Variants in SH3TC1 observed in about 807,000 individuals in gnomAD.
SH3TC1 encodes SH3 domain and tetratricopeptide repeat-containing protein 1.
A neutral mutation model predicts 117.3 loss-of-function variants in SH3TC1; 135 were observed. The ratio of observed to expected loss-of-function variants is 1.15; its 90% CI spans 1.00 to 1.33. The LOEUF is 1.33. Ranked by LOEUF, SH3TC1 falls within the 40% of genes most tolerant of loss-of-function variation. SH3TC1 has a pLI of 0.00. For synonymous variants in SH3TC1, 898 were observed against 816.9 expected (o/e 1.10, Z -1.69); for missense variants, 2,092 against 1,794.3 (o/e 1.17, Z -3.00).
At chr4:8,220,346 C>T (rs1347271047) in intron 9 of SH3TC1, among the ~76,000 whole-genome samples, 2 of 151,978 alleles carry the variant, frequency 1.3e-5, no homozygotes, top group Admixed American at 6.6e-5. Context: ...CCCTGAACCC[C>T]GTGTTCTCCT....
chr4:8,183,819 C>T lies in SH3TC1; in HGVS notation c.-57+1609C>T, dbSNP rs540429504. On this transcript the variant is annotated intron_variant, in intron 1 of 16. Transcript: ENST00000508641. The surrounding 1 kb of genome is among the most constrained non-coding windows in gnomAD (Gnocchi z 5.4). ...TCAGATTTCCTTCGTCTTTACCTAA[C>T]GCCTTCGCCTGCCCCGGGATCCCAC... is the stretch of plus-strand genomic sequence containing the variant. 1.1e-3 allele frequency among the ~76,000 whole-genome samples: 171 copies of T among 152,276 alleles called. 7 individuals are homozygous for T. The highest frequency in any genetic ancestry group is 6.3e-4 in the Non-Finnish European group (43 of 68,020).
intron 16 of SH3TC1, 104 bp downstream of exon 16, chr4:8,236,532 CTCCT>C: frequency 7.2e-7 from 1 of 1,390,426 alleles, no homozygotes; most frequent in Non-Finnish European, 9.4e-7. Flanking sequence ...TTTTCCTGGT[CTCCT>C]GTCCAGGCAG....
At position 8,228,322 on chromosome 4, in the gene SH3TC1, G is replaced by T. The variant is rs145120083; in HGVS notation, c.2628G>T (p.Thr876=). 1 of 1,612,032 alleles carries T rather than the reference G, an allele frequency of 6.2e-7. No individual in the cohort carries two copies. ...ANMVAVALKR[T]GRTRQAAESY... ...TGGTGGCCGTGGCTCTGAAGAGGAC[G>T]GGCCGGACGAGGCAGGCAGCTGAGA... Residue 876 remains threonine (T), a synonymous_variant, in exon 12 of 18, where the codon ACG becomes ACT. Coordinates refer to ENST00000245105, the MANE Select transcript of SH3TC1 (RefSeq NM_018986.5).
intron 2 of SH3TC1, among the ~76,000 whole-genome samples, chr4:8,208,762 C>T (rs1005174270): frequency 1.1e-4 from 16 of 152,218 alleles, no homozygotes; most frequent in African/African-American, 1.9e-4. Context: ...GGCGAGTGCA[C>T]GCCACTGCAG....
Position 8,200,100 on chromosome 4 carries a change from C to T in SH3TC1, c.-29+695C>T, listed in dbSNP as rs373829689. ...GCCCTGTCTGTGAAGCGGGAGTTTCCAACCTTTTGCCGTTGACGAGGCTCA... is the reference window on the plus strand; with the variant it reads ...GCCCTGTCTGTGAAGCGGGAGTTTCTAACCTTTTGCCGTTGACGAGGCTCA... On this transcript the variant is annotated intron_variant, in intron 1 of 17. Transcript: ENST00000245105. Among the ~76,000 whole-genome samples the T allele has an allele frequency of 7.2e-5, 11 of 152,306 alleles. No individual in the cohort carries two copies. In the East Asian group the frequency reaches 1.2e-3, roughly 16 times the overall value.
At chr4:8,215,082 T>C (rs1719124399) in intron 5 of SH3TC1, 3 of 448,540 alleles carry the variant, frequency 6.7e-6, no homozygotes, top group South Asian at 4.7e-5. Flanking sequence ...GGCGGAGTCG[T>C]AGACGGATGT....
chr4:8,211,228 G>T (rs1208430609), intron 3 of SH3TC1, among the ~76,000 whole-genome samples: 1 of 52,492 alleles, frequency 1.9e-5, no homozygotes, highest in Non-Finnish European at 3.4e-5. Context: ...CCCCCTTCTG[G>T]TTTCTCCCCT....
Position 8,210,238 on chromosome 4 carries a change from G to T in SH3TC1, c.247+416G>T, listed in dbSNP as rs1476079638. On this transcript the variant is annotated intron_variant, in intron 3 of 17. Transcript: ENST00000245105. The surrounding 1 kb of genome is among the most constrained non-coding windows in gnomAD (Gnocchi z 4.1). ...TGGAGGGAGGCAGCCCTGGGCCGGG[G>T]AGCAGAGCCCACAAAGGGGGCCCAG... Among the ~76,000 whole-genome samples the T allele has an allele frequency of 2.0e-5, 3 of 152,182 alleles. No individual in the cohort carries two copies. Among genetic ancestry groups the T allele is most frequent in the Admixed American group, 2.0e-4 (3 of 15,290 alleles).
intron 6 of SH3TC1, 111 bp from the exon 7 acceptor site, chr4:8,216,846 G>C: frequency 9.1e-7 from 1 of 1,103,136 alleles, no homozygotes; most frequent in East Asian, 2.4e-5. Context: ...CACTGGGGGG[G>C]CCGCTCCTGT....
In SH3TC1 at chr4:8,205,062, G is replaced by A. The variant is rs931598928; in HGVS notation, c.-28-105G>A. The A allele has an allele frequency of 1.3e-5, 12 of 903,314 alleles. No homozygotes were observed. The highest frequency in any genetic ancestry group is 6.3e-5 in the South Asian group (3 of 47,376). The allele number at this position is 903,314 out of a possible 1,614,324, so 56.0% of individuals were successfully genotyped here. ...CTCGCTGGATCTGAAAGGTGCAGGC[G>A]CTCAGCAACGCTGGTGTTCTCTTTC... On this transcript the variant is annotated intron_variant, in intron 1 of 17. Transcript: ENST00000245105. The surrounding 1 kb of genome is among the most constrained non-coding windows in gnomAD (Gnocchi z 5.4).
In SH3TC1 at chr4:8,227,512, C is replaced by G; in HGVS notation, c.1818C>G (p.Asn606Lys). The G allele has an allele frequency of 1.3e-6, 2 of 1,550,766 alleles. No individual in the cohort carries two copies. The highest frequency in any genetic ancestry group is 3.5e-4 in the Middle Eastern group (2 of 5,732). Residue 606 changes from asparagine to lysine, a missense_variant, in exon 12 of 18, where the codon AAC becomes AAG. Physicochemically the swap from Asn to Lys is moderately conservative, Grantham distance 94. Transcript: ENST00000245105. The part of the protein sequence containing the change: ...DLFLVVAVYA[N>K]LASIYRKQKN... ...TCCTAGTGGTGGCTGTGTACGCCAA[C>G]CTGGCCAGCATTTACCGGAAGCAGA...
rs918177267 is a variant in SH3TC1, at chr4:8,232,747, C to G, written c.3131+591C>G. On this transcript the variant is annotated intron_variant, in intron 13 of 17. Coordinates refer to ENST00000245105, the MANE Select transcript of SH3TC1 (RefSeq NM_018986.5). ...CTGCACTCACACCCCTTCGACTCACCAAGAGAGCAGGGAAGGAGCCGGATT... is the reference window on the plus strand; with the variant it reads ...CTGCACTCACACCCCTTCGACTCACGAAGAGAGCAGGGAAGGAGCCGGATT... The G allele has an allele frequency of 7.8e-6, 10 of 1,289,706 alleles. No homozygotes were observed. In the African/African-American group the frequency reaches 1.1e-4, roughly 14 times the overall value. The allele number at this position is 1,289,706 out of a possible 1,614,324, so 79.9% of individuals were successfully genotyped here. A position where few individuals can be genotyped will look rare whatever the true frequency, so the allele number is the denominator to read the frequency against.
chr4:8,213,618 C>T lies in SH3TC1; in HGVS notation c.375+790C>T, dbSNP rs547208387. ...CTTGAATAAGAAATGGGGCCTTCAG[C>T]GGGACATGGTGGCTCACACCTGTAA... On this transcript the variant is annotated intron_variant, in intron 4 of 17. Coordinates refer to ENST00000245105, the MANE Select transcript of SH3TC1 (RefSeq NM_018986.5). 1.0e-3 allele frequency among the ~76,000 whole-genome samples: 158 copies of T among 152,192 alleles called. 3 individuals carry two copies. The South Asian group carries it at 0.018, about 17-fold the overall frequency.
In SH3TC1 at chr4:8,232,102, A is replaced by G; in HGVS notation, c.3077A>G (p.Glu1026Gly). Residue 1026 changes from glutamate (E) to glycine (G), a missense_variant, in exon 13 of 18, where the codon GAG becomes GGG. Transcript: ENST00000245105. ...LACKVADKVLEGQLLETISQL... is the reference protein window; with the variant it reads ...LACKVADKVLGGQLLETISQL... Reference sequence around the variant, plus strand: ...TGCAAGGTGGCCGACAAGGTGCTGGAGGGGCAGCTCCTGGAGACCATCAGC... The same window carrying G: ...TGCAAGGTGGCCGACAAGGTGCTGGGGGGGCAGCTCCTGGAGACCATCAGC... The G allele has an allele frequency of 6.2e-7, 1 of 1,605,438 alleles. No homozygotes were observed. Among genetic ancestry groups the G allele is most frequent in the Non-Finnish European group, 8.5e-7 (1 of 1,175,978 alleles).
chr4:8,199,335 G>A lies in SH3TC1; in HGVS notation c.-99G>A, dbSNP rs926019204. 1.3e-5 allele frequency: 2 copies of A among 152,440 alleles called. No homozygotes were observed. Among genetic ancestry groups the A allele is most frequent in the Non-Finnish European group, 2.9e-5 (2 of 68,082 alleles). 9.4% of individuals were successfully genotyped at this position (152,440 alleles called of 1,614,324 possible). A position where few individuals can be genotyped will look rare whatever the true frequency, so the allele number is the denominator to read the frequency against. On this transcript the variant is annotated 5_prime_UTR_variant, in exon 1 of 18. Transcript: ENST00000245105. ...GTGGGGCCAGCCAGCGCTGGGCCAG[G>A]AGCGGCCACCTGGTTCCTGCGTGCT...
chr4:8,223,180 G>A (rs1720112938), intron 10 of SH3TC1, among the ~76,000 whole-genome samples: 1 of 152,242 alleles, frequency 6.6e-6, no homozygotes, highest in African/African-American at 2.4e-5. Flanking sequence ...GTGGGAATGT[G>A]GCCCCTGAGA....
At position 8,212,784 on chromosome 4, in the gene SH3TC1, C is replaced by T. The variant is rs139277479; in HGVS notation, c.331C>T (p.Arg111Cys). Residue 111 changes from arginine (R) to cysteine (C), a missense_variant, in exon 4 of 18, where the codon CGC becomes TGC. Transcript: ENST00000245105. The part of the protein sequence containing the change: ...GLQQTLRGQL[R>C]LLENDSREMA... ...ACAGCAGACCCTCCGGGGCCAGCTCCGCCTGCTGGAGAATGATAGCCGGGA... is the reference window on the plus strand; with the variant it reads ...ACAGCAGACCCTCCGGGGCCAGCTCTGCCTGCTGGAGAATGATAGCCGGGA... 2.0e-4 allele frequency: 317 copies of T among 1,609,278 alleles called. 1 individual carries two copies. The African/African-American group carries it at 2.7e-3, about 13-fold the overall frequency.
In SH3TC1 at chr4:8,219,378, G is replaced by C. The variant is rs758432520; in HGVS notation, c.960G>C (p.Gly320=). Residue 320 remains glycine, a synonymous_variant, in exon 9 of 18, where the codon GGG becomes GGC. Transcript: ENST00000245105. ...CATTGGCAGACTTCCAGGGCTCGGG[G>C]CCCGAAGAGATGACCTTCCGAGGTG... ...ASALADFQGS[G]PEEMTFRGGD... 1.2e-6 allele frequency: 2 copies of C among 1,608,604 alleles called. No individual in the cohort carries two copies. The highest frequency in any genetic ancestry group is 3.3e-5 in the Admixed American group (2 of 59,756).
chr4:8,226,912 C>T, intron 11 of SH3TC1, 68 bp from the exon 12 acceptor site: 1 of 1,230,098 alleles, frequency 8.1e-7, no homozygotes, highest in East Asian at 2.6e-5. Flanking sequence ...ATGAGGGGAC[C>T]CTGCCCCCAG....
Sources: gnomAD v4.1 joint callset for allele counts (sites outside exome capture counted in the v4.1 genomes callset) on GRCh38, gnomAD v4.1.1 for gene constraint, Gnocchi (gnomAD v3.1) non-coding constraint, MANE v1.5 for transcripts, NCBI Gene and HGNC (gene_info 2026-07-23, HGNC 2026-07-21) for gene names.